RASGEF1C: variants seen among roughly 807,000 people sequenced by gnomAD.
RASGEF1C encodes the protein ras-GEF domain-containing family member 1C.
In RASGEF1C, 27 loss-of-function variants were observed where a neutral mutation model predicts 58.1. That is an observed-to-expected ratio of 0.46 (90% CI 0.34 to 0.64). The LOEUF (loss-of-function observed/expected upper bound fraction) is 0.64, where lower values mean the gene tolerates loss of function less well. Ranked by LOEUF, RASGEF1C falls within the 30% of genes least tolerant of loss-of-function variation. RASGEF1C has a pLI of 0.01. For synonymous variants in RASGEF1C, 243 were observed against 246.3 expected (o/e 0.99, Z 0.13); for missense variants, 502 against 605.1 (o/e 0.83, Z 1.79).
intron 1 of RASGEF1C, among the ~76,000 whole-genome samples, chr5:180,184,481 G>A (rs1463462665): frequency 1.3e-5 from 2 of 152,122 alleles, no homozygotes; most frequent in East Asian, 3.9e-4. Context: ...GGAGGCTGAG[G>A]CAGGAGAATC....
chr5:180,186,128 A>G (rs528139846), intron 1 of RASGEF1C, among the ~76,000 whole-genome samples: 1 of 151,410 alleles, frequency 6.6e-6, no homozygotes, highest in East Asian at 1.9e-4. Context: ...AAAAAAGACA[A>G]CAATGCTCGC....
Position 180,189,923 on chromosome 5 carries a change from C to CAAAAA in RASGEF1C, c.-7+19100_-7+19104dup, listed in dbSNP as rs71001085. Among the ~76,000 whole-genome samples, 284 of 37,068 alleles carry CAAAAA rather than the reference C, an allele frequency of 7.7e-3. 3 individuals are homozygous for CAAAAA. Among genetic ancestry groups the CAAAAA allele is most frequent in the Non-Finnish European group, 9.7e-3 (210 of 21,686 alleles). 24.3% of individuals were successfully genotyped at this position (37,068 alleles called of 152,430 possible). On this transcript the variant is annotated intron_variant, in intron 1 of 13. Coordinates refer to ENST00000361132, the MANE Select transcript of RASGEF1C (RefSeq NM_175062.4). Reference sequence around the variant, plus strand: ...GGGCAACAAGAGCAAAACTCCATCTCAAAAAAAAAAAAAAAAAAAAAAAAA... The same window carrying CAAAAA: ...GGGCAACAAGAGCAAAACTCCATCTCAAAAAAAAAAAAAAAAAAAAAAAAAAAAAA...
At chr5:180,169,845 G>A (rs1258938269) in intron 1 of RASGEF1C, among the ~76,000 whole-genome samples, 5 of 134,352 alleles carry the variant, frequency 3.7e-5, no homozygotes, top group Non-Finnish European at 1.6e-5. Context: ...TTCTCCCCTC[G>A]CCCTCCCCCT....
chr5:180,202,130 T>C (rs1446016639), intron 1 of RASGEF1C, among the ~76,000 whole-genome samples: 1 of 151,978 alleles, frequency 6.6e-6, no homozygotes, highest in Admixed American at 6.5e-5. Context: ...ATCTCAGAAA[T>C]GAAGACTGAA....
intron 1 of RASGEF1C, among the ~76,000 whole-genome samples, chr5:180,189,950 G>GAAAAAAAAAAAAAAAAAAAAAAAAAAAA (rs1756116810): frequency 1.1e-5 from 1 of 93,398 alleles, no homozygotes. Flanking sequence ...AAAAAAAAAG[G>GAAAAAAAAAAAAAAAAAAAAAAAAAAAA]AAAGACAGTT....
intron 6 of RASGEF1C, among the ~76,000 whole-genome samples, chr5:180,127,208 C>G (rs978469583): frequency 6.6e-6 from 1 of 152,090 alleles, no homozygotes; most frequent in Non-Finnish European, 1.5e-5. Context: ...CGCGCTTCCC[C>G]GCGTGGCCGC....
chr5:180,124,317 C>T (rs1003731396), intron 6 of RASGEF1C, among the ~76,000 whole-genome samples: 1 of 152,040 alleles, frequency 6.6e-6, no homozygotes, highest in Non-Finnish European at 1.5e-5. Context: ...CAAGTAATTC[C>T]AGTCTTTCAG....
At chr5:180,110,727 T>C (rs12655994) in intron 12 of RASGEF1C, among the ~76,000 whole-genome samples, 53,370 of 152,044 alleles carry the variant, frequency 0.35, 9,841 homozygotes, top group East Asian at 0.48. Context: ...CCTCACCTCG[T>C]GCCTGTGTCT....
chr5:180,122,150 G>T (rs920387912), intron 6 of RASGEF1C, among the ~76,000 whole-genome samples: 2 of 152,072 alleles, frequency 1.3e-5, no homozygotes, highest in Admixed American at 1.3e-4. Flanking sequence ...ATATTGATCC[G>T]CTGGCAAAAG....
intron 11 of RASGEF1C, among the ~76,000 whole-genome samples, chr5:180,113,847 A>T (rs895044308): frequency 2.2e-4 from 34 of 151,972 alleles, no homozygotes; most frequent in Non-Finnish European, 3.1e-4. Flanking sequence ...CCGAGGATGG[A>T]TGGAGGGATC....
At chr5:180,131,083 T>C (rs1766358313) in intron 4 of RASGEF1C, among the ~76,000 whole-genome samples, 2 of 152,136 alleles carry the variant, frequency 1.3e-5, no homozygotes, top group African/African-American at 4.8e-5. Context: ...CAGGCCACTG[T>C]CATCTCTCTG....
At chr5:180,173,071 C>A (rs1581119198) in intron 1 of RASGEF1C, among the ~76,000 whole-genome samples, 1 of 152,252 alleles carries the variant, frequency 6.6e-6, no homozygotes, top group Non-Finnish European at 1.5e-5. Flanking sequence ...CTCCTGCCTG[C>A]TCCAGTTAAG....
At chr5:180,208,915 G>C (rs868004474) in intron 1 of RASGEF1C, 113 bp downstream of exon 1, 1,883 of 147,284 alleles carry the variant, frequency 0.013, 21 homozygotes, top group Non-Finnish European at 0.02. Context: ...CGCGCCGCGC[G>C]CAGCCTCCCG....
chr5:180,188,682 T>C (rs1366900014), intron 1 of RASGEF1C, among the ~76,000 whole-genome samples: 2 of 152,212 alleles, frequency 1.3e-5, no homozygotes, highest in East Asian at 3.8e-4. Context: ...TTTTATAATT[T>C]CAACATTTAT....
intron 6 of RASGEF1C, among the ~76,000 whole-genome samples, chr5:180,121,564 C>T (rs937143950): frequency 6.6e-6 from 1 of 152,010 alleles, no homozygotes; most frequent in African/African-American, 2.4e-5. Flanking sequence ...CCGCCCACCT[C>T]GGCCTCCAAA....
intron 1 of RASGEF1C, among the ~76,000 whole-genome samples, chr5:180,195,719 A>C (rs999477024): frequency 3.3e-5 from 5 of 151,794 alleles, no homozygotes; most frequent in African/African-American, 1.2e-4. Context: ...CCGAGATCAC[A>C]CCACTACTGC....
chr5:180,179,986 G>A (rs914107813), intron 1 of RASGEF1C, among the ~76,000 whole-genome samples: 2 of 152,196 alleles, frequency 1.3e-5, no homozygotes, highest in African/African-American at 4.8e-5. Flanking sequence ...AGGAAGGACC[G>A]GGCGAGTGGG....
intron 12 of RASGEF1C, among the ~76,000 whole-genome samples, chr5:180,110,226 C>T (rs1324021729): frequency 6.6e-6 from 1 of 152,150 alleles, no homozygotes; most frequent in Non-Finnish European, 1.5e-5. Flanking sequence ...GGGAGCGGCT[C>T]AGACAGGTTT....
At chr5:180,190,356 G>T (rs573049704) in intron 1 of RASGEF1C, among the ~76,000 whole-genome samples, 9 of 151,692 alleles carry the variant, frequency 5.9e-5, no homozygotes, top group Admixed American at 1.3e-4. Context: ...CGGGCGTGGT[G>T]GCGGGCGCCT....
Sources: allele counts gnomAD v4.1 joint callset (sites outside exome capture counted in the v4.1 genomes callset), GRCh38; gene constraint gnomAD v4.1.1; transcripts MANE v1.5; gene names NCBI Gene and HGNC (gene_info 2026-07-23, HGNC 2026-07-21).